The following FRMPD4 variants were observed in gnomAD, a reference collection of about 807,000 sequenced individuals.
FRMPD4 encodes FERM and PDZ domain-containing protein 4.
FRMPD4 carries 22 observed loss-of-function variants against 94.1 expected under a neutral mutation model. The observed-to-expected ratio is 0.23, with a 90% CI of 0.17 to 0.33. The LOEUF is 0.33. Among genes scored for constraint, FRMPD4 ranks in the 10% least tolerant of loss-of-function variants. The pLI is 1.00. For missense variants in FRMPD4, 1,111 were observed against 1,339.9 expected, an observed-to-expected ratio of 0.83 and a Z score of 2.67; for synonymous variants, 631 against 548.6, an observed-to-expected ratio of 1.15 and a Z score of -2.10.
At chrX:12,706,793 A>C (rs1329744813) in intron 11 of FRMPD4, 33 bp from the exon 12 acceptor site, 4 of 751,554 alleles carry the variant, frequency 5.3e-6, no homozygotes, top group Non-Finnish European at 8.1e-6. Context: ...TACCCAATAG[A>C]GTTAACACCT....
intron 3 of FRMPD4, among the ~76,000 whole-genome samples, chrX:12,045,647 G>C (rs1482571481): frequency 9.0e-6 from 1 of 111,123 alleles, no homozygotes; most frequent in African/African-American, 3.3e-5. Context: ...CTAGTATGGG[G>C]ATTATTTTTC....
rs148269499 is a variant in FRMPD4, at chrX:12,032,863, A to G, written c.95+154845A>G. On this transcript the variant is annotated intron_variant, in intron 3 of 18. Coordinates refer to the FRMPD4 transcript ENST00000640291. ...ACTTCTTGCTTCTCTGGGAAGCCTAAGATAAATTCATCTAAGATAATTCTC... is the reference window on the plus strand; with the variant it reads ...ACTTCTTGCTTCTCTGGGAAGCCTAGGATAAATTCATCTAAGATAATTCTC... 2.3e-3 allele frequency among the ~76,000 whole-genome samples: 259 copies of G among 112,588 alleles called. 1 individual carries two copies. The highest frequency in any genetic ancestry group is 7.2e-3 in the African/African-American group (223 of 31,064).
chrX:12,483,817 ACTT>A (rs1471714722), intron 1 of FRMPD4, among the ~76,000 whole-genome samples: 2 of 112,173 alleles, frequency 1.8e-5, no homozygotes, highest in Non-Finnish European at 3.8e-5. Context: ...TTATGTACAA[ACTT>A]CTTATATAGA....
At chrX:11,896,791 C>G (rs747116275) in intron 3 of FRMPD4, among the ~76,000 whole-genome samples, 4 of 111,611 alleles carry the variant, frequency 3.6e-5, no homozygotes, top group African/African-American at 6.5e-5. Flanking sequence ...TGAGCCATTC[C>G]CCAAAGAATG....
intron 1 of FRMPD4, among the ~76,000 whole-genome samples, chrX:12,432,214 A>G (rs2057018121): frequency 8.9e-6 from 1 of 112,114 alleles, no homozygotes; most frequent in Admixed American, 9.5e-5. Context: ...TGACCACTGT[A>G]AAAACTAGAA....
chrX:12,417,743 C>T (rs1159048267), intron 1 of FRMPD4, among the ~76,000 whole-genome samples: 1 of 108,818 alleles, frequency 9.2e-6, no homozygotes, highest in Non-Finnish European at 1.9e-5. Context: ...GGCACGGTGG[C>T]TCAAGCCTGT....
chrX:12,265,969 A>T (rs1206855138), intron 1 of FRMPD4, among the ~76,000 whole-genome samples: 1 of 107,466 alleles, frequency 9.3e-6, no homozygotes, highest in Non-Finnish European at 1.9e-5. Flanking sequence ...TCTACTAAAA[A>T]AAATACAAAA....
At chrX:11,823,170 A>T (rs2053421894) in intron 1 of FRMPD4, among the ~76,000 whole-genome samples, 1 of 110,777 alleles carries the variant, frequency 9.0e-6, no homozygotes, top group Admixed American at 9.7e-5. Flanking sequence ...TAACTAACGG[A>T]TGCAAGAGAC....
intron 2 of FRMPD4, among the ~76,000 whole-genome samples, chrX:12,508,008 AAAT>A (rs1211823353): frequency 2.7e-5 from 3 of 112,208 alleles, no homozygotes; most frequent in Admixed American, 9.4e-5. Context: ...ATACAAGTGC[AAAT>A]AATTATTAGG....
At chrX:12,694,267 T>C in intron 8 of FRMPD4, 68 bp from the exon 9 acceptor site, 1 of 974,023 alleles carries the variant, frequency 1.0e-6, no homozygotes, top group Non-Finnish European at 1.4e-6. Flanking sequence ...AGTCGACTGC[T>C]TCAGTGTCCC....
At chrX:12,291,061 A>G (rs1463792648) in intron 1 of FRMPD4, among the ~76,000 whole-genome samples, 6 of 111,249 alleles carry the variant, frequency 5.4e-5, no homozygotes, top group Admixed American at 9.6e-5. Flanking sequence ...CTGCATCTGC[A>G]TGGTTAATTA....
At chrX:12,304,134 A>G (rs2147895624) in intron 1 of FRMPD4, among the ~76,000 whole-genome samples, 1 of 111,712 alleles carries the variant, frequency 9.0e-6, no homozygotes, top group East Asian at 2.8e-4. Context: ...TTTATTGTAA[A>G]CAATAAAAGT....
At chrX:12,258,802 T>A (rs1171087246) in intron 1 of FRMPD4, among the ~76,000 whole-genome samples, 1 of 111,911 alleles carries the variant, frequency 8.9e-6, no homozygotes, top group East Asian at 2.8e-4. Flanking sequence ...GCATGTATCT[T>A]TTCTTTTTGC....
intron 1 of FRMPD4, among the ~76,000 whole-genome samples, chrX:12,455,782 T>C (rs1401613008): frequency 1.8e-5 from 2 of 112,209 alleles, no homozygotes; most frequent in African/African-American, 6.5e-5. Context: ...TGCCTCATTA[T>C]TGTTCTACCA....
At chrX:12,445,714 A>G (rs748374319) in intron 1 of FRMPD4, among the ~76,000 whole-genome samples, 2 of 112,750 alleles carry the variant, frequency 1.8e-5, no homozygotes, top group Non-Finnish European at 3.7e-5. Context: ...CTGTGCACTT[A>G]TAGCAACTAG....
intron 1 of FRMPD4, among the ~76,000 whole-genome samples, chrX:12,253,978 G>A (rs2018094): frequency 0.42 from 45,381 of 108,790 alleles, 6,987 homozygotes; most frequent in Non-Finnish European, 0.47. Context: ...AATAAGTCCA[G>A]ATTCCCCATC....
intron 1 of FRMPD4, among the ~76,000 whole-genome samples, chrX:12,294,485 C>CACACACACACAG (rs34874624): frequency 4.0e-4 from 37 of 92,078 alleles, no homozygotes; most frequent in African/African-American, 7.2e-4. Context: ...CACACACACA[C>CACACACACACAG]AGAGAGAGAG....
intron 1 of FRMPD4, among the ~76,000 whole-genome samples, chrX:12,421,328 A>G (rs1490343944): frequency 8.9e-6 from 1 of 112,551 alleles, no homozygotes; most frequent in African/African-American, 3.2e-5. Flanking sequence ...CTGTGAGACA[A>G]TGTAACTACA....
At chrX:12,638,524 C>T (rs1324467358) in intron 4 of FRMPD4, among the ~76,000 whole-genome samples, 1 of 111,825 alleles carries the variant, frequency 8.9e-6, no homozygotes, top group East Asian at 2.8e-4. Flanking sequence ...ACATGAGCCA[C>T]TGCACCTGAC....
Sources: gnomAD v4.1 joint callset for allele counts (sites outside exome capture counted in the v4.1 genomes callset) on GRCh38, gnomAD v4.1.1 for gene constraint, MANE v1.5 for transcripts, NCBI Gene and HGNC (gene_info 2026-07-23, HGNC 2026-07-21) for gene names.